The following YEATS4 variants were observed in gnomAD, a reference collection of about 807,000 sequenced individuals.
The protein encoded by YEATS4 is YEATS domain-containing protein 4.
In YEATS4, 17 loss-of-function variants were observed where a neutral mutation model predicts 30.1. The observed-to-expected ratio is 0.56, with a 90% confidence interval of 0.39 to 0.85. YEATS4 has a LOEUF of 0.85. Ranked by LOEUF, YEATS4 falls within the 40% of genes least tolerant of loss-of-function variation. YEATS4 has a pLI of 0.00. For missense variants in YEATS4, 142 were observed against 268.3 expected (o/e 0.53, Z 3.29); for synonymous variants, 85 against 87.5 (o/e 0.97, Z 0.16).
chr12:69,365,795 A>G lies in YEATS4; in HGVS notation c.244A>G (p.Thr82Ala). The change falls in exon 4 of 7, where the codon ACT (threonine) becomes GCT (alanine). Residue 82 changes from threonine to alanine, a missense_variant. Transcript: ENST00000247843. ...ESYGNPLRVV[T>A]KPPYEITETG... ...TATTTTTTTTCTGTCTTTAGTTGTTACTAAACCTCCATATGAAATTACTGA... is the reference window on the plus strand; with the variant it reads ...TATTTTTTTTCTGTCTTTAGTTGTTGCTAAACCTCCATATGAAATTACTGA... 1 of 1,608,682 alleles carries G rather than the reference A, an allele frequency of 6.2e-7. No homozygotes were observed. The highest frequency in any genetic ancestry group is 1.7e-4 in the Middle Eastern group (1 of 6,032).
chr12:69,385,503 CACTT>C (rs935256918), intron 6 of YEATS4, among the ~76,000 whole-genome samples: 2 of 152,106 alleles, frequency 1.3e-5, no homozygotes, highest in African/African-American at 4.8e-5. Context: ...TGTATAAACT[CACTT>C]AATTCTATAA....
At chr12:69,371,101 C>T (rs1299936216) in intron 6 of YEATS4, 126 bp downstream of exon 6, 4 of 843,878 alleles carry the variant, frequency 4.7e-6, no homozygotes, top group Non-Finnish European at 1.8e-6. Context: ...TTAAAAAACA[C>T]AGTTTGTATT....
intron 6 of YEATS4, among the ~76,000 whole-genome samples, chr12:69,377,819 C>T (rs554736315): frequency 6.6e-6 from 1 of 152,212 alleles, no homozygotes; most frequent in Non-Finnish European, 1.5e-5. Flanking sequence ...TATTCTGTAG[C>T]CATTTGATGA....
At chr12:69,397,949 TTAATAGAA>T in the YEATS4 span, among the ~76,000 whole-genome samples, 2 of 152,134 alleles carry the variant, frequency 1.3e-5, no homozygotes, top group Non-Finnish European at 2.9e-5. Context: ...ATAGACTATA[TTAATAGAA>T]CAAAGGACAC....
intron 2 of YEATS4, among the ~76,000 whole-genome samples, chr12:69,363,285 G>A (rs1375290626): frequency 1.3e-5 from 2 of 151,836 alleles, no homozygotes; most frequent in African/African-American, 2.4e-5. Context: ...GAGCCACCGC[G>A]CCCGGCCGAC....
At chr12:69,409,054 C>T in the YEATS4 span, among the ~76,000 whole-genome samples, 3 of 152,146 alleles carry the variant, frequency 2.0e-5, no homozygotes, top group African/African-American at 7.2e-5. Flanking sequence ...GGCTGACTTA[C>T]ACTGCCTGGC....
At chr12:69,404,120 T>C in the YEATS4 span, among the ~76,000 whole-genome samples, 1 of 152,182 alleles carries the variant, frequency 6.6e-6, no homozygotes. Context: ...CAAGTCTAGA[T>C]TTCCAGCCCA....
downstream of YEATS4, among the ~76,000 whole-genome samples, chr12:69,391,729 G>T (rs1868317214): frequency 6.6e-6 from 1 of 152,232 alleles, no homozygotes; most frequent in East Asian, 1.9e-4. Context: ...ATGCCTACCT[G>T]CCAGGCTTAT....
the YEATS4 span, chr12:69,422,816 AGTGAGTGTCTTTAACACCT>A: frequency 6.6e-5 from 10 of 152,658 alleles, no homozygotes; most frequent in African/African-American, 2.2e-4. Context: ...CCATTTCTGA[AGTGAGTGTCTTTAACACCT>A]GTGCTTCCCA....
At chr12:69,365,947 ATACT>A (rs1875411927) in intron 4 of YEATS4, 63 bp downstream of exon 4, 1 of 1,203,912 alleles carries the variant, frequency 8.3e-7, no homozygotes, top group Non-Finnish European at 1.2e-6. Context: ...ACATGTAATA[ATACT>A]TAATGAATAG....
chr12:69,372,675 C>T (rs982523307), intron 6 of YEATS4, among the ~76,000 whole-genome samples: 2 of 151,668 alleles, frequency 1.3e-5, no homozygotes, highest in African/African-American at 2.4e-5. Flanking sequence ...GCTGGGATTA[C>T]AGGTGTGTAC....
At chr12:69,374,139 T>G (rs890992453) in intron 6 of YEATS4, among the ~76,000 whole-genome samples, 2 of 108,944 alleles carry the variant, frequency 1.8e-5, no homozygotes, top group Non-Finnish European at 4.1e-5. Flanking sequence ...TTTTAGGTTT[T>G]GTTTTTTTTT....
chr12:69,379,220 T>C (rs930196047), intron 6 of YEATS4, among the ~76,000 whole-genome samples: 3 of 152,226 alleles, frequency 2.0e-5, no homozygotes, highest in Non-Finnish European at 4.4e-5. Flanking sequence ...TGAGTTTGAT[T>C]ATAAACTGCC....
chr12:69,375,184 G>A (rs1875809403), intron 6 of YEATS4, among the ~76,000 whole-genome samples: 1 of 150,374 alleles, frequency 6.7e-6, no homozygotes, highest in Admixed American at 6.6e-5. Flanking sequence ...TCACTTCTCA[G>A]ACGGGGCGGC....
the YEATS4 span, among the ~76,000 whole-genome samples, chr12:69,422,482 A>G: frequency 1.3e-5 from 2 of 151,780 alleles, no homozygotes; most frequent in African/African-American, 2.4e-5. Context: ...AAATACAAAG[A>G]TAGCTGGCTG....
chr12:69,412,969 G>T, the YEATS4 span, among the ~76,000 whole-genome samples: 2 of 152,252 alleles, frequency 1.3e-5, no homozygotes, highest in East Asian at 1.9e-4. Flanking sequence ...TGCAAAGAAA[G>T]ACCTAGAAGT....
intron 6 of YEATS4, 72 bp downstream of exon 6, chr12:69,371,047 C>G (rs1020707126): frequency 2.2e-5 from 32 of 1,430,684 alleles, no homozygotes; most frequent in Non-Finnish European, 2.4e-5. Flanking sequence ...ATGATTCGTG[C>G]CTTTTACACT....
At chr12:69,364,957 A>G (rs764253284) in intron 2 of YEATS4, among the ~76,000 whole-genome samples, 2 of 151,988 alleles carry the variant, frequency 1.3e-5, no homozygotes, top group Non-Finnish European at 2.9e-5. Context: ...TTGACTATAG[A>G]TTTGCCTTAT....
chr12:69,426,613 C>T, the YEATS4 span, among the ~76,000 whole-genome samples: 3 of 152,148 alleles, frequency 2.0e-5, no homozygotes, highest in Admixed American at 1.3e-4. Context: ...TCAGGTGATC[C>T]GCCTGCCTCA....
Sources: gnomAD v4.1 joint callset for allele counts (sites outside exome capture counted in the v4.1 genomes callset) on GRCh38, gnomAD v4.1.1 for gene constraint, MANE v1.5 for transcripts, NCBI Gene and HGNC (gene_info 2026-07-23, HGNC 2026-07-21) for gene names.